The following ARHGAP8 variants were observed in gnomAD, a reference collection of about 807,000 sequenced individuals.
The protein encoded by ARHGAP8 is Rho GTPase activating protein 8.
Under a neutral mutation model 46.1 loss-of-function variants are expected in ARHGAP8, and 62 were observed. That is an observed-to-expected ratio of 1.34 (90% CI 1.10 to 1.66). The LOEUF (loss-of-function observed/expected upper bound fraction) is 1.66. Ranked by LOEUF, ARHGAP8 falls within the 40% of genes most tolerant of loss-of-function variation. The probability of loss-of-function intolerance (pLI) is 0.00; values close to 1 mark genes in which losing one functional copy is unlikely to be tolerated. For synonymous variants in ARHGAP8, 375 were observed against 243.1 expected, an observed-to-expected ratio of 1.54 and a Z score of -5.05; for missense variants, 923 against 568.4, an observed-to-expected ratio of 1.62 and a Z score of -6.34.
chr22:44,822,579 C>A, intron 6 of ARHGAP8, 110 bp downstream of exon 6: 2 of 997,414 alleles, frequency 2.0e-6, no homozygotes, highest in South Asian at 2.2e-5. Flanking sequence ...GTGTGCTTGG[C>A]TAGATTTGGC....
chr22:44,798,851 C>T (rs889309882), intron 2 of ARHGAP8, among the ~76,000 whole-genome samples: 4 of 152,132 alleles, frequency 2.6e-5, no homozygotes, highest in Non-Finnish European at 5.9e-5. Context: ...CTGCAACCTC[C>T]GCTTCCCGGG....
At chr22:44,826,055 G>C (rs889107250) in intron 7 of ARHGAP8, among the ~76,000 whole-genome samples, 4 of 152,078 alleles carry the variant, frequency 2.6e-5, no homozygotes, top group African/African-American at 7.2e-5. Context: ...CGGGTACACA[G>C]ACACTTCCCA....
chr22:44,777,320 T>C (rs924474251), intron 1 of ARHGAP8: 1 of 152,020 alleles, frequency 6.6e-6, no homozygotes, highest in Admixed American at 6.6e-5. Flanking sequence ...GTCTCAATTT[T>C]GAACATTTCT....
chr22:44,843,975 A>G (rs2069894519), intron 7 of ARHGAP8, among the ~76,000 whole-genome samples: 1 of 149,150 alleles, frequency 6.7e-6, no homozygotes, highest in Non-Finnish European at 1.5e-5. Context: ...ATATACATAG[A>G]GAGAAGAGGG....
At chr22:44,847,148 C>T (rs867884390) in intron 8 of ARHGAP8, among the ~76,000 whole-genome samples, 7 of 152,226 alleles carry the variant, frequency 4.6e-5, no homozygotes, top group African/African-American at 1.7e-4. Flanking sequence ...GCACCCCCAT[C>T]ATGCACCGCA....
chr22:44,862,357 A>AG lies in ARHGAP8; in HGVS notation c.1069dup (p.Val357GlyfsTer15), dbSNP rs376872053. ...GGGCTGAATTTGATCTGGCCATCCC[A>AG]GGGGGTCTCCTCCCTGAGTGCCCTT... On this transcript the variant is annotated frameshift_variant, in exon 12 of 12. Coordinates refer to ENST00000356099, the MANE Select transcript of ARHGAP8 (RefSeq NM_181335.3). LOFTEE classifies it low-confidence loss of function (END_TRUNC). 12 of 1,614,126 alleles carry AG rather than the reference A, an allele frequency of 7.4e-6. No homozygotes were observed. The South Asian group carries it at 1.1e-4, about 15-fold the overall frequency.
At position 44,777,995 on chromosome 22, in the gene ARHGAP8, C is replaced by CTTTTT. The variant is rs1450633921; in HGVS notation, c.-71-8461_-71-8460insTTTTT. On this transcript the variant is annotated intron_variant, in intron 1 of 11. Coordinates refer to ENST00000356099, the MANE Select transcript of ARHGAP8 (RefSeq NM_181335.3). ...ACAGGCATGAGCCACTGTGCCTGGA[C>CTTTTT]TATTTTATTTATTTATTTATTTATT... Among the ~76,000 whole-genome samples, 4 of 146,508 alleles carry CTTTTT rather than the reference C, an allele frequency of 2.7e-5. No individual in the cohort carries two copies. In the East Asian group the frequency reaches 8.3e-4, roughly 30 times the overall value.
chr22:44,859,275 G>A (rs6007343), intron 10 of ARHGAP8, among the ~76,000 whole-genome samples: 17,072 of 152,122 alleles, frequency 0.11, 1,049 homozygotes, highest in African/African-American at 0.15. Context: ...GGATCATGAG[G>A]GCAGATACCT....
intron 1 of ARHGAP8, among the ~76,000 whole-genome samples, chr22:44,772,967 C>T (rs1449194423): frequency 6.6e-6 from 1 of 152,048 alleles, no homozygotes; most frequent in Non-Finnish European, 1.5e-5. Context: ...TACAAGTGTG[C>T]ACTACCATGC....
chr22:44,773,417 C>A (rs1926185422), intron 1 of ARHGAP8, among the ~76,000 whole-genome samples: 1 of 152,126 alleles, frequency 6.6e-6, no homozygotes, highest in African/African-American at 2.4e-5. Context: ...AACATACATG[C>A]ATTTATATAG....
rs1196871723 is a variant in ARHGAP8 at position 44,799,027 on chromosome 22, GA to G, written c.80-3049del. On this transcript the variant is annotated intron_variant, in intron 2 of 11. Transcript: ENST00000356099. ...AAGAGGGAGCAGAAAGTGCTGGGAG[GA>G]GGGGCTGCACCCTGCTCCAGGCTTC... Among the ~76,000 whole-genome samples, 3 of 152,188 alleles carry G rather than the reference GA, an allele frequency of 2.0e-5. No individual in the cohort carries two copies. The East Asian group carries it at 5.8e-4, about 29-fold the overall frequency.
At chr22:44,839,653 C>A (rs1422417755) in intron 7 of ARHGAP8, among the ~76,000 whole-genome samples, 2 of 152,174 alleles carry the variant, frequency 1.3e-5, no homozygotes, top group Non-Finnish European at 2.9e-5. Context: ...GTCCTCTGAT[C>A]TCTAACTTGG....
chr22:44,820,765 A>T (rs1930069232), intron 5 of ARHGAP8, among the ~76,000 whole-genome samples: 1 of 152,042 alleles, frequency 6.6e-6, no homozygotes, highest in African/African-American at 2.4e-5. Flanking sequence ...CTCCTCCCTC[A>T]GCCCCCGGGT....
At chr22:44,860,903 C>G (rs558558437) in intron 11 of ARHGAP8, among the ~76,000 whole-genome samples, 3 of 152,208 alleles carry the variant, frequency 2.0e-5, no homozygotes, top group Admixed American at 6.5e-5. Context: ...CGTCACATCC[C>G]AGAGTCTGTT....
intron 11 of ARHGAP8, among the ~76,000 whole-genome samples, chr22:44,860,376 G>C (rs1227976815): frequency 6.6e-6 from 1 of 152,046 alleles, no homozygotes; most frequent in Non-Finnish European, 1.5e-5. Flanking sequence ...TCCCCTTCCT[G>C]GCCTCTCCCA....
chr22:44,861,003 A>C (rs1345617973), intron 11 of ARHGAP8, among the ~76,000 whole-genome samples: 2 of 151,664 alleles, frequency 1.3e-5, no homozygotes, highest in African/African-American at 2.4e-5. Context: ...AACTCTCCTA[A>C]TTCTCTCAAA....
At chr22:44,836,012 A>G (rs1544279) in intron 7 of ARHGAP8, among the ~76,000 whole-genome samples, 29,129 of 151,984 alleles carry the variant, frequency 0.19, 2,896 homozygotes, top group African/African-American at 0.23. Context: ...GTGTGTGCCA[A>G]TCTGACTTGC....
intron 2 of ARHGAP8, among the ~76,000 whole-genome samples, chr22:44,796,650 C>A (rs992437958): frequency 6.6e-6 from 1 of 152,122 alleles, no homozygotes; most frequent in Non-Finnish European, 1.5e-5. Context: ...TGATGATGGG[C>A]CCAAAGGGGA....
At chr22:44,828,770 C>CA (rs932093815) in intron 7 of ARHGAP8, among the ~76,000 whole-genome samples, 1 of 151,996 alleles carries the variant, frequency 6.6e-6, no homozygotes, top group Non-Finnish European at 1.5e-5. Flanking sequence ...TTCCAGCCAT[C>CA]AGGTGACCGT....
Sources: gnomAD v4.1 joint callset for allele counts (sites outside exome capture counted in the v4.1 genomes callset) on GRCh38, gnomAD v4.1.1 for gene constraint, MANE v1.5 for transcripts, NCBI Gene and HGNC (gene_info 2026-07-23, HGNC 2026-07-21) for gene names.